Variants in ITGA4 observed in about 807,000 individuals in gnomAD.
ITGA4 encodes the protein integrin subunit alpha 4, also known as integrin alpha-4.
In ITGA4, 63 loss-of-function variants were observed where a neutral mutation model predicts 133.6. The observed-to-expected ratio is 0.47, with a 90% CI of 0.38 to 0.58. ITGA4 has a LOEUF of 0.58. Ranked by LOEUF, ITGA4 falls within the 20% of genes least tolerant of loss-of-function variation. The pLI is 0.00. For synonymous variants in ITGA4, 483 were observed against 438.0 expected, an observed-to-expected ratio of 1.10 and a Z score of -1.28; for missense variants, 1,076 against 1,252.7, an observed-to-expected ratio of 0.86 and a Z score of 2.13.
At position 181,494,792 on chromosome 2, in the gene ITGA4, C is replaced by G; in HGVS notation, c.1319C>G (p.Ala440Gly). 6.4e-7 allele frequency: 1 copy of G among 1,570,626 alleles called. No individual in the cohort carries two copies. The highest frequency in any genetic ancestry group is 8.8e-7 in the Non-Finnish European group (1 of 1,140,740). The change falls in exon 12 of 28, where the codon GCA (alanine) becomes GGA (glycine). Residue 440 changes from alanine to glycine, a missense_variant. Ala to Gly is a moderately conservative substitution (Grantham distance 60). Around this residue, in one of 4 missense-constraint regions of ITGA4, gnomAD observed 436 missense variants for 590.7 expected, o/e 0.74. Transcript: ENST00000397033. ...CAGTCTATATCAGGACAAATTGATG[C>G]AGATAATAATGGCTATGTAGGTGAG... ...FGQSISGQID[A>G]DNNGYVDVAV...
At chr2:181,508,453 T>C (rs1460871951) in intron 15 of ITGA4, among the ~76,000 whole-genome samples, 5 of 152,026 alleles carry the variant, frequency 3.3e-5, no homozygotes, top group Non-Finnish European at 7.4e-5. Context: ...CCCAGCACTT[T>C]GGGAGGCCGA....
At chr2:181,510,114 G>A (rs1048036607) in intron 16 of ITGA4, among the ~76,000 whole-genome samples, 2 of 152,010 alleles carry the variant, frequency 1.3e-5, no homozygotes, top group Non-Finnish European at 2.9e-5. Flanking sequence ...GGAGAAGATT[G>A]TATTTACAAG....
At chr2:181,503,565 CTT>C (rs147081320) in intron 15 of ITGA4, among the ~76,000 whole-genome samples, 61 of 101,748 alleles carry the variant, frequency 6.0e-4, no homozygotes, top group African/African-American at 1.5e-3. Context: ...AAGAAATTGT[CTT>C]TTTTTTTTTT....
chr2:181,499,073 GA>G (rs1459987056), intron 15 of ITGA4: 1 of 171,402 alleles, frequency 5.8e-6, no homozygotes, highest in Non-Finnish European at 1.2e-5. Flanking sequence ...TACTTGCCTA[GA>G]AATATACATC....
chr2:181,507,736 C>T (rs952045255), intron 15 of ITGA4, among the ~76,000 whole-genome samples: 3 of 152,078 alleles, frequency 2.0e-5, no homozygotes, highest in Admixed American at 1.3e-4. Flanking sequence ...ACTTGTTATA[C>T]TGTATTAGTT....
chr2:181,473,134 G>T (rs916547370), intron 2 of ITGA4, among the ~76,000 whole-genome samples: 1 of 152,182 alleles, frequency 6.6e-6, no homozygotes, highest in African/African-American at 2.4e-5. Context: ...ACCACTTAGG[G>T]CAGGGGTCCC....
intron 2 of ITGA4, among the ~76,000 whole-genome samples, chr2:181,474,635 C>T (rs1228566892): frequency 1.3e-5 from 2 of 152,280 alleles, no homozygotes; most frequent in South Asian, 4.1e-4. Flanking sequence ...CTTTTCCAAA[C>T]GTTAGACACA....
rs1041196728 is a variant in ITGA4, at chr2:181,489,403, C to T, written c.1153+3411C>T. On this transcript the variant is annotated intron_variant, in intron 10 of 27. Coordinates refer to ENST00000397033, the MANE Select transcript of ITGA4 (RefSeq NM_000885.6). ...TCATCAAAAGCATGAAAAAATCGGT[C>T]AGACAGACTAATGTACCTGACATGA... 3.4e-5 allele frequency among the ~76,000 whole-genome samples: 5 copies of T among 145,248 alleles called. No individual in the cohort carries two copies. In the Admixed American group the frequency reaches 3.4e-4, roughly 10 times the overall value.
rs1686600491 is a variant in ITGA4 at position 181,516,080 on chromosome 2, A to G, written c.1922+4305A>G. 6.6e-6 allele frequency among the ~76,000 whole-genome samples: 1 copy of G among 152,092 alleles called. No individual in the cohort carries two copies. Among genetic ancestry groups the G allele is most frequent in the Non-Finnish European group, 1.5e-5 (1 of 67,984 alleles). On this transcript the variant is annotated intron_variant, in intron 17 of 27. Transcript: ENST00000397033. This position sits in a 1 kb window ranked among gnomAD's most constrained non-coding sequence, Gnocchi z 4.0. Reference sequence around the variant, plus strand: ...TAAACTGCATTTATAAAGGACTTGCAGTGCAAAATAAAGATGAACCAACAC... The same window carrying G: ...TAAACTGCATTTATAAAGGACTTGCGGTGCAAAATAAAGATGAACCAACAC...
Position 181,498,667 on chromosome 2 carries a change from T to G in ITGA4, c.1585T>G (p.Ser529Ala). The G allele has an allele frequency of 6.2e-7, 1 of 1,612,200 alleles. No individual in the cohort carries two copies. Among genetic ancestry groups the G allele is most frequent in the Non-Finnish European group, 8.5e-7 (1 of 1,178,692 alleles). The change falls in exon 15 of 28, where the codon TCT becomes GCT. Residue 529 changes from serine to alanine, a missense_variant. Physicochemically the swap from Ser to Ala is moderately conservative, Grantham distance 99 (BLOSUM62 1). Coordinates refer to ENST00000397033, the MANE Select transcript of ITGA4 (RefSeq NM_000885.6). ...MSLDVNRKAE[S>A]PPRFYFSSNG... ...TTTGGATGTGAACAGAAAGGCAGAG[T>G]CTCCACCAAGATTCTATTTCTCTTC...
At position 181,537,190 on chromosome 2, in the gene ITGA4, G is replaced by A. The variant is rs1054747998; in HGVS notation, c.*1663G>A. 4.4e-6 allele frequency: 2 copies of A among 453,288 alleles called. No individual in the cohort carries two copies. Among genetic ancestry groups the A allele is most frequent in the Non-Finnish European group, 4.4e-6 (1 of 226,200 alleles). 28.1% of individuals were successfully genotyped at this position (453,288 alleles called of 1,614,324 possible). ...CAGGAGAACATCTAGGATCATAGAT[G>A]AAAAATCAAGCCCCGATTTAGAACT... On this transcript the variant is annotated 3_prime_UTR_variant, in exon 28 of 28. Transcript: ENST00000397033.
At chr2:181,525,541 C>A (rs1686816412) in intron 21 of ITGA4, among the ~76,000 whole-genome samples, 1 of 152,208 alleles carries the variant, frequency 6.6e-6, no homozygotes, top group South Asian at 2.1e-4. Flanking sequence ...AGAGCCCCAA[C>A]AAGCTAGCAA....
At chr2:181,519,586 CATAAGA>C (rs966417473) in intron 17 of ITGA4, among the ~76,000 whole-genome samples, 2 of 152,054 alleles carry the variant, frequency 1.3e-5, no homozygotes, top group South Asian at 2.1e-4. Context: ...TTCCGAGGTT[CATAAGA>C]ATAACTCTCA....
intron 7 of ITGA4, among the ~76,000 whole-genome samples, 165 bp from the exon 8 acceptor site, chr2:181,482,195 A>G (rs1482734022): frequency 6.6e-6 from 1 of 152,188 alleles, no homozygotes; most frequent in Non-Finnish European, 1.5e-5. Flanking sequence ...TATTAATGTA[A>G]CAGTGGATCC....
At chr2:181,488,559 T>G (rs539913832) in intron 10 of ITGA4, among the ~76,000 whole-genome samples, 1 of 152,114 alleles carries the variant, frequency 6.6e-6, no homozygotes, top group South Asian at 2.1e-4. Context: ...AGTTCTTTTT[T>G]TATTTTATTT....
At chr2:181,477,995 T>A (rs1466682178) in intron 4 of ITGA4, among the ~76,000 whole-genome samples, 1 of 152,104 alleles carries the variant, frequency 6.6e-6, no homozygotes, top group African/African-American at 2.4e-5. Context: ...GAGGTGTATA[T>A]ATACACACAT....
chr2:181,475,490 C>G (rs1202842384), intron 4 of ITGA4, among the ~76,000 whole-genome samples: 3 of 152,120 alleles, frequency 2.0e-5, no homozygotes, highest in Admixed American at 6.6e-5. Context: ...TATAAAAATT[C>G]TACAATTTGA....
intron 15 of ITGA4, among the ~76,000 whole-genome samples, chr2:181,502,326 C>G (rs192791920): frequency 9.2e-5 from 14 of 152,160 alleles, no homozygotes; most frequent in African/African-American, 3.1e-4. Context: ...AGCTGGGGGT[C>G]AGTAGCTGAA....
At chr2:181,457,333 G>C, upstream of ITGA4, 1 of 293,846 alleles carries the variant, frequency 3.4e-6, no homozygotes, top group South Asian at 3.9e-5. Context: ...ACGGAGCCCG[G>C]CCCTGCGCCT....
Sources: allele counts gnomAD v4.1 joint callset (sites outside exome capture counted in the v4.1 genomes callset), GRCh38; gene constraint gnomAD v4.1.1; regional missense constraint gnomAD v4.1.1; non-coding constraint Gnocchi (gnomAD v3.1); transcripts MANE v1.5; gene names NCBI Gene and HGNC (gene_info 2026-07-23, HGNC 2026-07-21).